DIPK1A: variants seen among roughly 807,000 people sequenced by gnomAD.
DIPK1A encodes family with sequence similarity 69 member A.
In DIPK1A, 27 loss-of-function variants were observed where a neutral mutation model predicts 40.8. The observed-to-expected ratio is 0.66, with a 90% CI of 0.49 to 0.91. The LOEUF (loss-of-function observed/expected upper bound fraction) is 0.91. Ranked by LOEUF, DIPK1A falls within the 40% of genes least tolerant of loss-of-function variation. The probability of loss-of-function intolerance (pLI) is 0.00; values close to 1 mark genes in which losing one functional copy is unlikely to be tolerated. For missense variants in DIPK1A, 412 were observed against 505.7 expected (o/e 0.81, Z 1.78); for synonymous variants, 166 against 171.3 (o/e 0.97, Z 0.24).
intron 1 of DIPK1A, among the ~76,000 whole-genome samples, chr1:92,924,309 C>CTT (rs202179647): frequency 1.0e-4 from 15 of 145,264 alleles, no homozygotes; most frequent in Non-Finnish European, 1.8e-4. Context: ...CCTTTTTAAT[C>CTT]TTTTTTTTTT....
intron 1 of DIPK1A, among the ~76,000 whole-genome samples, chr1:92,904,184 G>T (rs1396272806): frequency 6.6e-6 from 1 of 152,122 alleles, no homozygotes; most frequent in Admixed American, 6.5e-5. Flanking sequence ...TACTTAGAAG[G>T]AAACAGCTGA....
rs573807380 is a variant in DIPK1A at position 92,847,276 on chromosome 1, T to C, written c.381A>G (p.Glu127=). The change falls in exon 4 of 5, where the codon GAA becomes GAG. Residue 127 remains glutamate (E), a synonymous_variant. Coordinates refer to ENST00000370310, the MANE Select transcript of DIPK1A (RefSeq NM_001006605.5). ...GCACTATTTCTTTTCTTGGTTCCAA[T>C]TCAGTTCCAAAATCAAGATGAAGCG... is the stretch of plus-strand genomic sequence containing the variant. ...EQALHLDFGT[E]LEPRKEIVLF... 2 of 1,612,700 alleles carry C rather than the reference T, an allele frequency of 1.2e-6. No individual in the cohort carries two copies. Among genetic ancestry groups the C allele is most frequent in the South Asian group, 2.2e-5 (2 of 90,890 alleles).
At chr1:92,851,133 G>A (rs752200587) in intron 2 of DIPK1A, among the ~76,000 whole-genome samples, 178 bp from the exon 3 acceptor site, 2 of 152,150 alleles carry the variant, frequency 1.3e-5, no homozygotes, top group East Asian at 3.8e-4. Flanking sequence ...TTATGAGAAA[G>A]CTTGTTGCTG....
chr1:92,869,176 T>TTAG (rs1255776873), intron 2 of DIPK1A, among the ~76,000 whole-genome samples: 1 of 151,320 alleles, frequency 6.6e-6, no homozygotes, highest in Non-Finnish European at 1.5e-5. Flanking sequence ...ATTATTATTA[T>TTAG]TTTGATACAG....
intron 1 of DIPK1A, among the ~76,000 whole-genome samples, chr1:92,943,697 TA>T (rs954178756): frequency 4.6e-5 from 7 of 152,150 alleles, no homozygotes; most frequent in African/African-American, 1.7e-4. Flanking sequence ...AGGCTCAACC[TA>T]GAGCAAACAG....
At chr1:92,845,046 G>A (rs975020063) in intron 4 of DIPK1A, among the ~76,000 whole-genome samples, 58 of 141,696 alleles carry the variant, frequency 4.1e-4, no homozygotes, top group African/African-American at 1.3e-3. Context: ...CCAGGTTCAC[G>A]CCATTCTCCT....
downstream of DIPK1A, among the ~76,000 whole-genome samples, chr1:92,838,831 G>A (rs1026635494): frequency 4.6e-5 from 7 of 152,148 alleles, no homozygotes; most frequent in Admixed American, 2.6e-4. Context: ...AAAGAGGTAG[G>A]GAAATTAACT....
intron 1 of DIPK1A, among the ~76,000 whole-genome samples, chr1:92,908,510 G>A (rs960877012): frequency 8.5e-5 from 13 of 152,190 alleles, no homozygotes; most frequent in African/African-American, 3.1e-4. Context: ...TAACATGGAA[G>A]TCACTGTTGA....
At chr1:92,944,778 A>T (rs1398972891) in intron 1 of DIPK1A, among the ~76,000 whole-genome samples, 1 of 152,022 alleles carries the variant, frequency 6.6e-6, no homozygotes, top group Non-Finnish European at 1.5e-5. Flanking sequence ...GAGCACAGCT[A>T]ATTTTTGTAT....
intron 1 of DIPK1A, among the ~76,000 whole-genome samples, chr1:92,946,700 T>C (rs1483804774): frequency 6.6e-6 from 1 of 152,024 alleles, no homozygotes; most frequent in African/African-American, 2.4e-5. Flanking sequence ...TCCCAGTACT[T>C]TGGGGGCTGA....
rs186250214 is a variant in DIPK1A at position 92,878,637 on chromosome 1, G to A, written c.55-2207C>T. ...AGATCGAGACCATCCTGGCTAACAC[G>A]GTGAAACCCCATCTCTACTAAAAAT... On this transcript the variant is annotated intron_variant, in intron 1 of 4. Transcript: ENST00000370310. Among the ~76,000 whole-genome samples the A allele has an allele frequency of 8.5e-5, 13 of 152,212 alleles. No homozygotes were observed. In the East Asian group the frequency reaches 1.5e-3, roughly 18 times the overall value.
At chr1:92,895,512 A>G (rs1161752372) in intron 1 of DIPK1A, among the ~76,000 whole-genome samples, 1 of 152,104 alleles carries the variant, frequency 6.6e-6, no homozygotes, top group African/African-American at 2.4e-5. Flanking sequence ...TCTCAAAATA[A>G]TTAGAGCTAT....
At chr1:92,876,945 TC>T (rs1648157583) in intron 1 of DIPK1A, 3 of 971,388 alleles carry the variant, frequency 3.1e-6, no homozygotes, top group Non-Finnish European at 3.7e-6. Context: ...CATTTCTATT[TC>T]CCTATTGTAT....
At chr1:92,888,974 A>T (rs1648732263) in intron 1 of DIPK1A, among the ~76,000 whole-genome samples, 1 of 151,756 alleles carries the variant, frequency 6.6e-6, no homozygotes, top group Non-Finnish European at 1.5e-5. Context: ...TTGTCTCTTC[A>T]CTCTGTTGAT....
rs1553125592 is a variant in DIPK1A at position 92,860,645 on chromosome 1, A to AT, written c.190-9691_190-9690insA. Among the ~76,000 whole-genome samples, 6 of 11,478 alleles carry AT rather than the reference A, an allele frequency of 5.2e-4. 1 individual carries two copies. The highest frequency in any genetic ancestry group is 1.5e-3 in the Admixed American group (2 of 1,368). 7.5% of individuals were successfully genotyped at this position (11,478 alleles called of 152,430 possible). ...TTTCTACTAAAAAAAAAAAAAAAAA[A>AT]ATGGTGGTGTGCACCTTAGTCCCAG... On this transcript the variant is annotated intron_variant, in intron 2 of 4. Coordinates refer to ENST00000370310, the MANE Select transcript of DIPK1A (RefSeq NM_001006605.5).
Position 92,856,301 on chromosome 1 carries a change from CAAAA to C in DIPK1A, c.190-5350_190-5347del, listed in dbSNP as rs201839871. Among the ~76,000 whole-genome samples the C allele has an allele frequency of 9.8e-3, 1,490 of 151,946 alleles. 29 individuals carry two copies. Among genetic ancestry groups the C allele is most frequent in the South Asian group, 0.031 (151 of 4,812 alleles). ...TAATAGAAAGTCATACAGGAACAAA[CAAAA>C]AAGCTGAATTAGATTAATACATATA... On this transcript the variant is annotated intron_variant, in intron 2 of 4. Transcript: ENST00000370310.
At chr1:92,920,177 T>C (rs1040826520) in intron 1 of DIPK1A, among the ~76,000 whole-genome samples, 3 of 152,252 alleles carry the variant, frequency 2.0e-5, no homozygotes, top group Non-Finnish European at 4.4e-5. Flanking sequence ...GATTTGTCTG[T>C]GTCATCACCC....
chr1:92,921,743 G>C (rs1393974544), intron 1 of DIPK1A, among the ~76,000 whole-genome samples: 2 of 152,152 alleles, frequency 1.3e-5, no homozygotes, highest in African/African-American at 4.8e-5. Context: ...TACCAAACCA[G>C]GGTAGTCAGT....
intron 2 of DIPK1A, among the ~76,000 whole-genome samples, chr1:92,865,739 G>T (rs551105071): frequency 1.3e-5 from 2 of 152,260 alleles, no homozygotes; most frequent in East Asian, 3.9e-4. Context: ...CTCAGTTCTG[G>T]TTCCTACCTT....
Sources: allele counts gnomAD v4.1 joint callset (sites outside exome capture counted in the v4.1 genomes callset), GRCh38; gene constraint gnomAD v4.1.1; transcripts MANE v1.5; gene names NCBI Gene and HGNC (gene_info 2026-07-23, HGNC 2026-07-21).